SEPTIN6: variants seen among roughly 807,000 people sequenced by gnomAD.
SEPTIN6 encodes the protein septin 6.
Under a neutral mutation model 33.6 loss-of-function variants are expected in SEPTIN6, and 8 were observed. That is an observed-to-expected ratio of 0.24 (90% CI 0.14 to 0.43). The LOEUF (loss-of-function observed/expected upper bound fraction) is 0.43, where lower values mean the gene tolerates loss of function less well. SEPTIN6 is among the 20% of genes least tolerant of loss of function. The probability of loss-of-function intolerance (pLI) is 1.00; values close to 1 mark genes in which losing one functional copy is unlikely to be tolerated. For missense variants in SEPTIN6, 250 were observed against 340.8 expected, an observed-to-expected ratio of 0.73 and a Z score of 2.10; for synonymous variants, 131 against 140.0, an observed-to-expected ratio of 0.94 and a Z score of 0.45.
At chrX:119,675,344 A>G (rs762304469) in intron 2 of SEPTIN6, among the ~76,000 whole-genome samples, 1 of 111,407 alleles carries the variant, frequency 9.0e-6, no homozygotes, top group East Asian at 2.8e-4. Context: ...CCCCCAAGAT[A>G]TGGCCCTATA....
At chrX:119,645,458 C>T (rs1399038630) in intron 5 of SEPTIN6, among the ~76,000 whole-genome samples, 2 of 108,698 alleles carry the variant, frequency 1.8e-5, no homozygotes, top group African/African-American at 3.4e-5. Flanking sequence ...AGTGCAATGG[C>T]GTGATCTCAG....
intron 3 of SEPTIN6, among the ~76,000 whole-genome samples, chrX:119,656,454 G>A (rs73602338): frequency 0.13 from 14,483 of 111,661 alleles, 916 homozygotes; most frequent in African/African-American, 0.23. Flanking sequence ...ATGGTTCTGA[G>A]GCAGAAACCA....
At position 119,688,651 on chromosome X, in the gene SEPTIN6, G is replaced by A. The variant is rs760670729; in HGVS notation, c.30+4425C>T. ...GAACCCAGGAGGCGGAGGTTGCAGT[G>A]AGCTGAGATCGCGCCACTGCATTCC... On this transcript the variant is annotated intron_variant, in intron 1 of 10. Transcript: ENST00000394610. Among the ~76,000 whole-genome samples the A allele has an allele frequency of 3.2e-4, 34 of 105,851 alleles. No individual in the cohort carries two copies. In the East Asian group the frequency reaches 9.0e-3, roughly 28 times the overall value. 91.9% of individuals were successfully genotyped at this position (105,851 alleles called of 115,157 possible). A position where few individuals can be genotyped will look rare whatever the true frequency, so the allele number is the denominator to read the frequency against.
chrX:119,629,121 C>T (rs1041932441), intron 9 of SEPTIN6, 197 bp downstream of exon 9: 4 of 422,076 alleles, frequency 9.5e-6, no homozygotes, highest in African/African-American at 2.5e-5. Context: ...CCCTCTGCTA[C>T]TCTCAACTCC....
rs1275310627 is a variant in SEPTIN6 at position 119,617,798 on chromosome X, TAG to T, written c.*2293_*2294del. 8 of 787,379 alleles carry T rather than the reference TAG, an allele frequency of 1.0e-5. No homozygotes were observed. Among genetic ancestry groups the T allele is most frequent in the Non-Finnish European group, 1.1e-5 (7 of 654,051 alleles). The allele number at this position is 787,379 out of a possible 1,213,427, so 64.9% of individuals were successfully genotyped here. ...CCTTCATTTCCCCTTACGGAGTAAG[TAG>T]GTTATATCGTCTTACTGACTAAAAT... is the stretch of plus-strand genomic sequence containing the variant. On this transcript the variant is annotated 3_prime_UTR_variant, in exon 11 of 11. Coordinates refer to ENST00000394610, the MANE Select transcript of SEPTIN6 (RefSeq NM_145799.4).
chrX:119,633,565 C>A, intron 7 of SEPTIN6, 73 bp from the exon 8 acceptor site: 1 of 1,106,785 alleles, frequency 9.0e-7, no homozygotes. Flanking sequence ...CCCAAAGATC[C>A]TCACTGGGTT....
chrX:119,664,626 G>A (rs112680519), intron 2 of SEPTIN6, among the ~76,000 whole-genome samples: 13,646 of 108,490 alleles, frequency 0.13, 1,790 homozygotes, highest in African/African-American at 0.4. Context: ...TCAGGCATTC[G>A]AGACCAGCCT....
chrX:119,628,504 CTTTT>C (rs766806075), intron 9 of SEPTIN6, among the ~76,000 whole-genome samples: 1 of 78,380 alleles, frequency 1.3e-5, no homozygotes, highest in Non-Finnish European at 2.4e-5. Flanking sequence ...GTCTTGAACT[CTTTT>C]TTTTTTTTTT....
rs1193970444 is a variant in SEPTIN6, at chrX:119,621,481, G to GTGTGTA, written c.*42-1431_*42-1430insTACACA. Among the ~76,000 whole-genome samples, 35 of 103,643 alleles carry GTGTGTA rather than the reference G, an allele frequency of 3.4e-4. No individual in the cohort carries two copies. In the East Asian group the frequency reaches 6.1e-3, roughly 18 times the overall value. 90.0% of individuals were successfully genotyped at this position (103,643 alleles called of 115,157 possible). On this transcript the variant is annotated intron_variant, in intron 10 of 10. Transcript: ENST00000394610. ...TGTGTGTGTGTGTGTGTGTGTGTGT[G>GTGTGTA]TGTGTGTGTGTGTATTTTTATTTCT...
At chrX:119,652,144 G>A (rs1483799803) in intron 4 of SEPTIN6, among the ~76,000 whole-genome samples, 3 of 111,832 alleles carry the variant, frequency 2.7e-5, no homozygotes, top group Non-Finnish European at 3.8e-5. Context: ...GGCTGGTCTC[G>A]AACTCCTGAC....
At chrX:119,630,828 G>C (rs2053945089) in intron 8 of SEPTIN6, among the ~76,000 whole-genome samples, 1 of 109,527 alleles carries the variant, frequency 9.1e-6, no homozygotes, top group Admixed American at 9.8e-5. Flanking sequence ...GGGAGGCGGA[G>C]CTTTCAGTGA....
intron 2 of SEPTIN6, among the ~76,000 whole-genome samples, chrX:119,673,953 A>G (rs186213125): frequency 9.1e-6 from 1 of 110,466 alleles, no homozygotes; most frequent in East Asian, 2.8e-4. Context: ...GATCTACTAC[A>G]TGAACAAGTT....
intron 9 of SEPTIN6, among the ~76,000 whole-genome samples, chrX:119,627,616 A>G (rs2053875620): frequency 9.1e-6 from 1 of 109,662 alleles, no homozygotes; most frequent in African/African-American, 3.3e-5. Flanking sequence ...TGCAGCCTTC[A>G]CTGGCAGCAG....
intron 5 of SEPTIN6, among the ~76,000 whole-genome samples, chrX:119,642,547 G>T (rs1007284530): frequency 2.7e-5 from 3 of 110,520 alleles, no homozygotes; most frequent in African/African-American, 9.9e-5. Flanking sequence ...TCCATTTAGG[G>T]GGTTCAAGCA....
At chrX:119,639,753 C>T (rs939962693) in intron 6 of SEPTIN6, among the ~76,000 whole-genome samples, 2 of 111,076 alleles carry the variant, frequency 1.8e-5, no homozygotes, top group Admixed American at 9.6e-5. Flanking sequence ...GAATATATAT[C>T]TTGTTTAGTT....
chrX:119,675,708 T>C (rs372807829), intron 1 of SEPTIN6, 40 bp from the exon 2 acceptor site: 96 of 827,446 alleles, frequency 1.2e-4, no homozygotes, highest in Non-Finnish European at 1.5e-4. Context: ...AAAATGTGCT[T>C]AAAAGCAGTC....
chrX:119,688,886 T>G (rs1556617), intron 1 of SEPTIN6, among the ~76,000 whole-genome samples: 15,735 of 110,352 alleles, frequency 0.14, 889 homozygotes, highest in South Asian at 0.27. Context: ...GGTAATAGGG[T>G]TTTGTTTTCT....
intron 3 of SEPTIN6, among the ~76,000 whole-genome samples, chrX:119,654,131 G>A (rs116645270): frequency 5.8e-4 from 64 of 110,795 alleles, no homozygotes; most frequent in African/African-American, 1.9e-3. Flanking sequence ...ACTCCCCTCC[G>A]CACACCCTGC....
At chrX:119,635,709 G>A (rs2054051057) in intron 7 of SEPTIN6, among the ~76,000 whole-genome samples, 1 of 111,454 alleles carries the variant, frequency 9.0e-6, no homozygotes, top group Non-Finnish European at 1.9e-5. Context: ...GGTTATGCTG[G>A]GGACAGAAGC....
Sources: gnomAD v4.1 joint callset for allele counts (sites outside exome capture counted in the v4.1 genomes callset) on GRCh38, gnomAD v4.1.1 for gene constraint, MANE v1.5 for transcripts, NCBI Gene and HGNC (gene_info 2026-07-23, HGNC 2026-07-21) for gene names.